Variants in PRKN observed in about 807,000 individuals in gnomAD.
The protein encoded by PRKN is E3 ubiquitin-protein ligase parkin.
In PRKN, 56 loss-of-function variants were observed where a neutral mutation model predicts 59.5. That is an observed-to-expected ratio of 0.94 (90% confidence interval 0.76 to 1.18). The LOEUF (loss-of-function observed/expected upper bound fraction) is 1.18. Among genes scored for constraint, PRKN ranks in the 50% most tolerant of loss-of-function variants. PRKN has a pLI of 0.00. For synonymous variants in PRKN, 250 were observed against 222.1 expected, an observed-to-expected ratio of 1.13 and a Z score of -1.12; for missense variants, 657 against 596.4, an observed-to-expected ratio of 1.10 and a Z score of -1.06.
chr6:161,412,153 C>T (rs1415617045), intron 9 of PRKN, among the ~76,000 whole-genome samples: 5 of 145,654 alleles, frequency 3.4e-5, no homozygotes, highest in Admixed American at 6.8e-5. Context: ...TCCTTCCTCA[C>T]TATTCTTCCA....
chr6:161,515,521 T>C (rs1778555793), intron 9 of PRKN, among the ~76,000 whole-genome samples: 1 of 152,224 alleles, frequency 6.6e-6, no homozygotes, highest in Admixed American at 6.5e-5. Flanking sequence ...TCTCAACATT[T>C]AAAGCAGGAT....
intron 6 of PRKN, among the ~76,000 whole-genome samples, chr6:161,811,984 A>G (rs139373251): frequency 5.5e-4 from 83 of 152,138 alleles, no homozygotes; most frequent in African/African-American, 2.0e-3. Context: ...TATAACAGAC[A>G]TTTTCTTTGT....
chr6:161,571,569 T>C (rs1003518625), intron 7 of PRKN, among the ~76,000 whole-genome samples: 1 of 152,104 alleles, frequency 6.6e-6, no homozygotes, highest in Non-Finnish European at 1.5e-5. Context: ...CAGAAGAAAA[T>C]GGAATAAACT....
chr6:162,582,569 T>G (rs71567660), intron 1 of PRKN, among the ~76,000 whole-genome samples: 1 of 152,198 alleles, frequency 6.6e-6, no homozygotes, highest in Admixed American at 6.5e-5. Flanking sequence ...CAAATTTGCA[T>G]GATAATATCT....
intron 6 of PRKN, among the ~76,000 whole-genome samples, chr6:161,822,450 C>T (rs1237893051): frequency 3.9e-5 from 6 of 152,130 alleles, no homozygotes; most frequent in Admixed American, 2.6e-4. Flanking sequence ...CCAAGGCAGG[C>T]GGATCACCTG....
chr6:162,205,450 T>C (rs1358139253), intron 3 of PRKN, among the ~76,000 whole-genome samples: 1 of 152,068 alleles, frequency 6.6e-6, no homozygotes, highest in Admixed American at 6.6e-5. Flanking sequence ...AATGGAAACT[T>C]TTCATTAACC....
At chr6:161,837,734 C>G (rs1792819187) in intron 6 of PRKN, among the ~76,000 whole-genome samples, 2 of 151,982 alleles carry the variant, frequency 1.3e-5, no homozygotes, top group South Asian at 2.1e-4. Context: ...TTGGAAAAGC[C>G]CAGGTGAGCT....
rs185343350 is a variant in PRKN at position 162,466,361 on chromosome 6, G to A, written c.8-22888C>T. Among the ~76,000 whole-genome samples the A allele has an allele frequency of 4.9e-4, 75 of 152,190 alleles. No individual in the cohort carries two copies. In the East Asian group the frequency reaches 0.011, roughly 22 times the overall value. ...ACATTTAATATTAATCTATTCCCAG[G>A]CATTATATTATTAACTTTGAATAGA... On this transcript the variant is annotated intron_variant, in intron 1 of 11. Coordinates refer to ENST00000366898, the MANE Select transcript of PRKN (RefSeq NM_004562.3).
intron 2 of PRKN, among the ~76,000 whole-genome samples, chr6:162,391,652 G>A (rs114696305): frequency 0.077 from 11,704 of 152,134 alleles, 570 homozygotes; most frequent in Middle Eastern, 0.12. Context: ...TGCTTGACGT[G>A]GATTTCGAAC....
At chr6:161,703,875 T>A (rs1278645181) in intron 7 of PRKN, among the ~76,000 whole-genome samples, 2 of 104,504 alleles carry the variant, frequency 1.9e-5, no homozygotes, top group East Asian at 6.2e-4. Flanking sequence ...TTTTTTTTTT[T>A]TACAGAGTCT....
rs531074200 is a variant in PRKN at position 162,645,046 on chromosome 6, C to T, written c.7+82616G>A. Reference sequence around the variant, plus strand: ...TTTCAGTGTATTCAACTTTTCTTTCCGTGGCTTATTAATAGAGTATCTACT... The same window carrying T: ...TTTCAGTGTATTCAACTTTTCTTTCTGTGGCTTATTAATAGAGTATCTACT... On this transcript the variant is annotated intron_variant, in intron 1 of 11. Coordinates refer to ENST00000366898, the MANE Select transcript of PRKN (RefSeq NM_004562.3). 5.9e-5 allele frequency among the ~76,000 whole-genome samples: 9 copies of T among 152,142 alleles called. No homozygotes were observed. The South Asian group carries it at 6.2e-4, about 11-fold the overall frequency.
intron 8 of PRKN, among the ~76,000 whole-genome samples, chr6:161,553,053 T>C (rs762381973): frequency 3.3e-5 from 5 of 151,078 alleles, no homozygotes; most frequent in Non-Finnish European, 7.4e-5. Context: ...CCTCCCAAAG[T>C]TGTAATCACT....
intron 6 of PRKN, among the ~76,000 whole-genome samples, chr6:161,950,637 T>A (rs893274092): frequency 6.6e-6 from 1 of 152,146 alleles, no homozygotes; most frequent in African/African-American, 2.4e-5. Flanking sequence ...TAAAATTCAA[T>A]TTAGCAAATT....
chr6:162,333,951 A>G (rs895192482), intron 2 of PRKN, among the ~76,000 whole-genome samples: 4 of 152,204 alleles, frequency 2.6e-5, no homozygotes, highest in Non-Finnish European at 5.9e-5. Flanking sequence ...TATTGCTGAT[A>G]TGGAGAAAGT....
intron 2 of PRKN, chr6:162,265,287 C>T (rs1281176964): frequency 6.6e-6 from 1 of 152,216 alleles, no homozygotes; most frequent in Non-Finnish European, 1.5e-5. Flanking sequence ...ATGCTCCCCA[C>T]TTCCTCCCTG....
chr6:161,709,840 A>G (rs1022276965), intron 7 of PRKN, among the ~76,000 whole-genome samples: 11 of 152,206 alleles, frequency 7.2e-5, no homozygotes, highest in Admixed American at 5.9e-4. Flanking sequence ...AAATTACCCC[A>G]AAACATACAA....
At chr6:162,329,492 T>C (rs533083562) in intron 2 of PRKN, among the ~76,000 whole-genome samples, 2 of 152,294 alleles carry the variant, frequency 1.3e-5, no homozygotes, top group African/African-American at 4.8e-5. Flanking sequence ...AGCAAGTTCC[T>C]ACCTCCTGAG....
chr6:162,616,450 ATAT>A (rs1455703793), intron 1 of PRKN, among the ~76,000 whole-genome samples: 2 of 152,162 alleles, frequency 1.3e-5, no homozygotes, highest in South Asian at 2.1e-4. Flanking sequence ...AATGCCATAA[ATAT>A]TATTTATAAA....
chr6:162,569,739 C>T, intron 1 of PRKN: 1 of 524,730 alleles, frequency 1.9e-6, no homozygotes. Context: ...ACAGCTGCGA[C>T]AGCCCCTCCC....
Sources: gnomAD v4.1 joint callset for allele counts (sites outside exome capture counted in the v4.1 genomes callset) on GRCh38, gnomAD v4.1.1 for gene constraint, MANE v1.5 for transcripts, NCBI Gene and HGNC (gene_info 2026-07-23, HGNC 2026-07-21) for gene names.